The following ZNF541 variants were observed in gnomAD, a reference collection of about 807,000 sequenced individuals.
ZNF541 encodes the protein zinc finger protein 541.
A neutral mutation model predicts 123.5 loss-of-function variants in ZNF541; 23 were observed. The observed-to-expected ratio is 0.19, with a 90% CI of 0.13 to 0.26. The LOEUF (loss-of-function observed/expected upper bound fraction) is 0.26. Ranked by LOEUF, ZNF541 falls within the 10% of genes least tolerant of loss-of-function variation. The pLI, the probability that ZNF541 is intolerant of heterozygous loss-of-function variation, is 1.00. For missense variants in ZNF541, 1,612 were observed against 1,789.9 expected, an observed-to-expected ratio of 0.90 and a Z score of 1.79; for synonymous variants, 751 against 754.5, an observed-to-expected ratio of 1.00 and a Z score of 0.08.
intron 14 of ZNF541, among the ~76,000 whole-genome samples, chr19:47,524,271 AT>A (rs1425535619): frequency 6.6e-6 from 1 of 152,252 alleles, no homozygotes; most frequent in Admixed American, 6.5e-5. Context: ...GAAAATCACC[AT>A]GCACGCAAAG....
At chr19:47,553,817 G>C (rs1970707300) in intron 3 of ZNF541, among the ~76,000 whole-genome samples, 1 of 152,174 alleles carries the variant, frequency 6.6e-6, no homozygotes. Flanking sequence ...TAGGATTATA[G>C]GCATGAGCCA....
chr19:47,554,292 G>A (rs1468941651), intron 3 of ZNF541, among the ~76,000 whole-genome samples: 15 of 152,170 alleles, frequency 9.9e-5, no homozygotes, highest in African/African-American at 3.1e-4. Flanking sequence ...TTAGCTGGGT[G>A]TGGTGGCACA....
intron 14 of ZNF541, among the ~76,000 whole-genome samples, chr19:47,526,384 A>G (rs1969295400): frequency 1.3e-5 from 2 of 151,222 alleles, no homozygotes; most frequent in African/African-American, 4.9e-5. Context: ...CAGGAAGCTA[A>G]GGCAGGAGCA....
intron 4 of ZNF541, among the ~76,000 whole-genome samples, chr19:47,548,846 C>T (rs1286126380): frequency 2.6e-5 from 4 of 152,076 alleles, no homozygotes; most frequent in Non-Finnish European, 5.9e-5. Context: ...GAGGCCAAGG[C>T]GGGAGGATCA....
chr19:47,531,822 A>T, intron 11 of ZNF541, 77 bp from the exon 12 acceptor site: 1 of 1,315,124 alleles, frequency 7.6e-7, no homozygotes, highest in South Asian at 1.4e-5. Flanking sequence ...TTCCCGAAAG[A>T]CAGCAGAGAG....
chr19:47,524,098 G>A (rs1301652594), intron 14 of ZNF541, among the ~76,000 whole-genome samples: 2 of 152,150 alleles, frequency 1.3e-5, no homozygotes, highest in African/African-American at 4.8e-5. Context: ...CCTCAGTAAG[G>A]AGAAATAATC....
intron 5 of ZNF541, among the ~76,000 whole-genome samples, chr19:47,542,147 A>T (rs1029242187): frequency 6.6e-6 from 1 of 152,184 alleles, no homozygotes; most frequent in African/African-American, 2.4e-5. Context: ...CACAGAGTGC[A>T]TGATTCCACT....
intron 11 of ZNF541, 134 bp downstream of exon 11, chr19:47,531,994 G>C (rs1969595005): frequency 8.0e-7 from 1 of 1,257,450 alleles, no homozygotes; most frequent in Non-Finnish European, 1.1e-6. Flanking sequence ...CTGGCCAAGA[G>C]CCAGCTCCCT....
intron 2 of ZNF541, among the ~76,000 whole-genome samples, chr19:47,558,610 T>C (rs1043759020): frequency 6.6e-6 from 1 of 151,750 alleles, no homozygotes; most frequent in East Asian, 2.0e-4. Context: ...TTTTTTTTTT[T>C]TGAGATGGAG....
intron 2 of ZNF541, among the ~76,000 whole-genome samples, chr19:47,566,043 G>C (rs1971249173): frequency 6.6e-6 from 1 of 152,052 alleles, no homozygotes; most frequent in African/African-American, 2.4e-5. Context: ...CGCGCATGGT[G>C]GTGGGTGCCT....
chr19:47,558,344 A>T (rs1022355379), intron 2 of ZNF541, among the ~76,000 whole-genome samples: 3 of 151,876 alleles, frequency 2.0e-5, no homozygotes, highest in Non-Finnish European at 2.9e-5. Context: ...TGAACCCAGG[A>T]GGCGGAGCTT....
At chr19:47,560,067 A>T (rs1437813129) in intron 2 of ZNF541, among the ~76,000 whole-genome samples, 3 of 152,068 alleles carry the variant, frequency 2.0e-5, no homozygotes, top group Non-Finnish European at 4.4e-5. Context: ...GGCTCCCTGA[A>T]AGCCCAATGC....
chr19:47,544,047 A>C, intron 5 of ZNF541, 79 bp downstream of exon 5: 1 of 1,431,680 alleles, frequency 7.0e-7, no homozygotes, highest in South Asian at 1.5e-5. Context: ...TCTGAAATGA[A>C]ATAAAATGCC....
At chr19:47,561,461 TAAAA>T (rs905097790) in intron 2 of ZNF541, among the ~76,000 whole-genome samples, 1 of 151,740 alleles carries the variant, frequency 6.6e-6, no homozygotes, top group African/African-American at 2.4e-5. Flanking sequence ...AATTAAGTAT[TAAAA>T]AAATTAAAAA....
At chr19:47,526,695 C>T (rs1969315158) in intron 14 of ZNF541, among the ~76,000 whole-genome samples, 1 of 152,076 alleles carries the variant, frequency 6.6e-6, no homozygotes, top group South Asian at 2.1e-4. Context: ...CCAGGGCTAG[C>T]GAGTTTGTGG....
chr19:47,544,383 T>G lies in ZNF541; in HGVS notation c.2146A>C (p.Lys716Gln). 6.4e-7 allele frequency: 1 copy of G among 1,551,606 alleles called. No homozygotes were observed. Among genetic ancestry groups the G allele is most frequent in the Admixed American group, 2.0e-5 (1 of 51,002 alleles). ...EEPPGASLPG[K>Q]QAPAENGAAS... ...GCGCCATTCTCGGCTGGGGCCTGCT[T>G]CCCTGGCAGCGAGGCTCCTGGTGGC... Residue 716 changes from lysine to glutamine, a missense_variant, in exon 5 of 17, where the codon AAG becomes CAG. By Grantham distance (53) the Lys-to-Gln change is moderately conservative. Coordinates refer to ENST00000391901, the MANE Select transcript of ZNF541 (RefSeq NM_001277075.3).
chr19:47,538,439 C>T lies in ZNF541; in HGVS notation c.2797G>A (p.Gly933Arg), dbSNP rs1969927768. ...CGCTCCTCCCCGTCTTTCTCTTGTC[C>T]CTGAAGAAGTTTAGAACCACAGGTG... ...VTRHIGSMAMGQEKDGEERDS... is the reference protein window; with the variant it reads ...VTRHIGSMAMRQEKDGEERDS... The change falls in exon 9 of 17, where the codon GGA (glycine) becomes AGA (arginine). Residue 933 changes from glycine (G) to arginine (R), a missense_variant and splice_region_variant. Coordinates refer to ENST00000391901, the MANE Select transcript of ZNF541 (RefSeq NM_001277075.3). 1 of 1,502,580 alleles carries T rather than the reference C, an allele frequency of 6.7e-7. No homozygotes were observed. Among genetic ancestry groups the T allele is most frequent in the African/African-American group, 1.4e-5 (1 of 71,358 alleles). 93.1% of individuals were successfully genotyped at this position (1,502,580 alleles called of 1,614,324 possible). A position where few individuals can be genotyped will look rare whatever the true frequency, so the allele number is the denominator to read the frequency against.
intron 10 of ZNF541, 142 bp from the exon 11 acceptor site, chr19:47,532,412 C>T (rs150876713): frequency 2.0e-4 from 180 of 904,556 alleles, no homozygotes; most frequent in Non-Finnish European, 2.5e-4. Context: ...GCATCAGGTA[C>T]GTGCTGTTCC....
chr19:47,559,587 C>T (rs567676383), intron 2 of ZNF541, among the ~76,000 whole-genome samples: 35 of 152,210 alleles, frequency 2.3e-4, no homozygotes, highest in African/African-American at 7.2e-4. Flanking sequence ...TACAGGCTCA[C>T]GCCTGTAATC....
Sources: allele counts gnomAD v4.1 joint callset (sites outside exome capture counted in the v4.1 genomes callset), GRCh38; gene constraint gnomAD v4.1.1; transcripts MANE v1.5; gene names NCBI Gene and HGNC (gene_info 2026-07-23, HGNC 2026-07-21).